Variants in TRHDE observed in about 807,000 individuals in gnomAD.
TRHDE encodes the protein thyrotropin-releasing hormone-degrading ectoenzyme.
In TRHDE, 72 loss-of-function variants were observed where a neutral mutation model predicts 125.7. The ratio of observed to expected loss-of-function variants is 0.57; its 90% CI spans 0.47 to 0.70. The LOEUF is 0.70. Ranked by LOEUF, TRHDE falls within the 30% of genes least tolerant of loss-of-function variation. TRHDE has a pLI of 0.00. For synonymous variants in TRHDE, 509 were observed against 509.1 expected (o/e 1.00, Z 0.00); for missense variants, 1,110 against 1,327.1 (o/e 0.84, Z 2.54).
At chr12:72,492,972 G>C (rs1592487612) in intron 5 of TRHDE, among the ~76,000 whole-genome samples, 1 of 151,930 alleles carries the variant, frequency 6.6e-6, no homozygotes, top group Middle Eastern at 3.4e-3. Flanking sequence ...GCATTAATGG[G>C]CTATATGTGT....
chr12:72,161,971 T>A (rs552838691), intron 2 of TRHDE, among the ~76,000 whole-genome samples: 1 of 152,330 alleles, frequency 6.6e-6, no homozygotes, highest in East Asian at 1.9e-4. Flanking sequence ...TTTGTAGGCA[T>A]GTCTATACAG....
intron 2 of TRHDE, among the ~76,000 whole-genome samples, chr12:72,203,247 G>A (rs1877596697): frequency 6.6e-6 from 1 of 152,094 alleles, no homozygotes; most frequent in Non-Finnish European, 1.5e-5. Flanking sequence ...GGATCACGAG[G>A]TCAGGAGATC....
chr12:72,165,922 G>T (rs1426393471), intron 2 of TRHDE, among the ~76,000 whole-genome samples: 1 of 152,000 alleles, frequency 6.6e-6, no homozygotes, highest in Admixed American at 6.6e-5. Flanking sequence ...TGATCTGCCC[G>T]CCATGGCCTC....
intron 15 of TRHDE, among the ~76,000 whole-genome samples, chr12:72,647,986 A>T (rs1056210642): frequency 5.3e-5 from 8 of 152,132 alleles, no homozygotes; most frequent in Non-Finnish European, 1.2e-4. Flanking sequence ...AAATACCCCT[A>T]TGCAGAAATC....
chr12:72,174,557 T>C (rs1223540704), intron 2 of TRHDE, among the ~76,000 whole-genome samples: 1 of 152,234 alleles, frequency 6.6e-6, no homozygotes, highest in Non-Finnish European at 1.5e-5. Flanking sequence ...CTCTTTCATT[T>C]CTTTTCATCT....
chr12:72,098,274 T>A (rs181267633), intron 1 of TRHDE, among the ~76,000 whole-genome samples: 100 of 152,286 alleles, frequency 6.6e-4, no homozygotes, highest in Middle Eastern at 3.4e-3. Flanking sequence ...CATGAAGTTA[T>A]AAGGAATAAT....
intron 2 of TRHDE, among the ~76,000 whole-genome samples, chr12:72,298,583 T>C (rs897908688): frequency 3.3e-5 from 5 of 152,124 alleles, no homozygotes; most frequent in Non-Finnish European, 5.9e-5. Context: ...TGTTGTGTAA[T>C]ACTGAGGAAA....
At chr12:72,120,906 C>T (rs1431639647) in intron 2 of TRHDE, among the ~76,000 whole-genome samples, 1 of 151,946 alleles carries the variant, frequency 6.6e-6, no homozygotes, top group Non-Finnish European at 1.5e-5. Context: ...TCTCGATCTC[C>T]TGATCTCGTG....
intron 2 of TRHDE, among the ~76,000 whole-genome samples, chr12:72,298,429 T>C (rs1026856288): frequency 6.6e-5 from 10 of 152,214 alleles, no homozygotes; most frequent in Non-Finnish European, 1.3e-4. Context: ...GCATATAATC[T>C]GATAATATTA....
At chr12:72,350,053 C>CT (rs1199184579) in intron 2 of TRHDE, among the ~76,000 whole-genome samples, 1 of 151,884 alleles carries the variant, frequency 6.6e-6, no homozygotes, top group East Asian at 1.9e-4. Context: ...ATTCCATATA[C>CT]TTTTTTCTTT....
At chr12:72,384,663 T>C (rs980496628) in intron 3 of TRHDE, among the ~76,000 whole-genome samples, 1 of 152,182 alleles carries the variant, frequency 6.6e-6, no homozygotes, top group Non-Finnish European at 1.5e-5. Context: ...TGTATCATGC[T>C]GATGGAGTCA....
At chr12:72,618,843 A>C in intron 12 of TRHDE, 48 bp from the exon 13 acceptor site, 2 of 1,406,394 alleles carry the variant, frequency 1.4e-6, no homozygotes, top group Non-Finnish European at 1.9e-6. Context: ...GTAAGTAAAA[A>C]TCTTCGTTTG....
At chr12:72,224,091 C>CATCTATCTATCTATCT (rs755241021) in intron 2 of TRHDE, among the ~76,000 whole-genome samples, 3,441 of 50,048 alleles carry the variant, frequency 0.069, 81 homozygotes, top group East Asian at 0.083. Flanking sequence ...TCTATCTATC[C>CATCTATCTATCTATCT]ATCTATCTAT....
intron 6 of TRHDE, among the ~76,000 whole-genome samples, chr12:72,520,045 G>T (rs994792815): frequency 2.6e-5 from 4 of 152,192 alleles, no homozygotes; most frequent in Non-Finnish European, 5.9e-5. Flanking sequence ...TCTCTTCAAA[G>T]CTGTCAGACA....
Position 72,442,787 on chromosome 12 carries a change from AG to A in TRHDE, c.1316-26969del, listed in dbSNP as rs539663107. On this transcript the variant is annotated intron_variant, in intron 3 of 18. Transcript: ENST00000261180. ...GTTGGCCTAAAAGTCATAAACAATA[AG>A]GAGAGGATTTTTAGGTTCCTTCACC... Among the ~76,000 whole-genome samples the A allele has an allele frequency of 4.8e-3, 730 of 151,988 alleles. 6 individuals carry two copies. Among genetic ancestry groups the A allele is most frequent in the African/African-American group, 0.017 (691 of 41,518 alleles).
chr12:72,135,397 A>G (rs781342773), intron 2 of TRHDE, among the ~76,000 whole-genome samples: 11 of 152,302 alleles, frequency 7.2e-5, no homozygotes, highest in Non-Finnish European at 1.5e-4. Context: ...CATTGGTGAC[A>G]TGGAGACAGA....
chr12:72,540,981 A>G (rs975283395), intron 6 of TRHDE, among the ~76,000 whole-genome samples: 1 of 151,664 alleles, frequency 6.6e-6, no homozygotes, highest in Non-Finnish European at 1.5e-5. Context: ...TAGTCTGAGT[A>G]TTGCACTACA....
chr12:72,648,761 A>G (rs2136106955), intron 15 of TRHDE, among the ~76,000 whole-genome samples: 1 of 152,222 alleles, frequency 6.6e-6, no homozygotes, highest in East Asian at 1.9e-4. Context: ...AACCTGGGAA[A>G]CATAGAGAGA....
intron 3 of TRHDE, among the ~76,000 whole-genome samples, chr12:72,441,499 G>C (rs1875010122): frequency 6.6e-6 from 1 of 151,820 alleles, no homozygotes; most frequent in Non-Finnish European, 1.5e-5. Flanking sequence ...TGGACAGGCG[G>C]GAAAGGGAAA....
Sources: gnomAD v4.1 joint callset for allele counts (sites outside exome capture counted in the v4.1 genomes callset) on GRCh38, gnomAD v4.1.1 for gene constraint, MANE v1.5 for transcripts, NCBI Gene and HGNC (gene_info 2026-07-23, HGNC 2026-07-21) for gene names.